SLC67A1: variants seen among roughly 807,000 people sequenced by gnomAD.
SLC67A1 encodes solute carrier family 67 member 1, also known as solute carrier family 67 member A1.
chr11:2,922,347 G>C, the SLC67A1 span: 1 of 1,558,168 alleles, frequency 6.4e-7, no homozygotes, highest in East Asian at 2.3e-5. Flanking sequence ...AGGGACAGCA[G>C]TCAGGGTGGG....
the SLC67A1 span, chr11:2,915,227 T>G: frequency 1.0e-6 from 1 of 985,150 alleles, no homozygotes; most frequent in Non-Finnish European, 1.2e-6. Flanking sequence ...TGGCTCCAAG[T>G]CCCCTCCTTG....
At chr11:2,903,030 T>C in the SLC67A1 span, 9 of 380,238 alleles carry the variant, frequency 2.4e-5, no homozygotes, top group African/African-American at 1.6e-4. Context: ...GCACTGAGCC[T>C]GGCCCACCTG....
At chr11:2,925,194 G>T in the SLC67A1 span, 5 of 1,612,744 alleles carry the variant, frequency 3.1e-6, no homozygotes, top group South Asian at 5.5e-5. The surrounding 1 kb of genome is among the most constrained non-coding windows in gnomAD (Gnocchi z 6.5). Flanking sequence ...ACAAAGTCCG[G>T]TGACCGCTGC....
At chr11:2,907,616 G>A in the SLC67A1 span, among the ~76,000 whole-genome samples, 1 of 152,162 alleles carries the variant, frequency 6.6e-6, no homozygotes, top group Non-Finnish European at 1.5e-5. The surrounding 1 kb of genome is among the most constrained non-coding windows in gnomAD (Gnocchi z 6.7). Context: ...TGAATTTGGG[G>A]GGTACACAAT....
At chr11:2,922,041 G>T in the SLC67A1 span, 1 of 1,299,644 alleles carries the variant, frequency 7.7e-7, no homozygotes, top group Non-Finnish European at 1.1e-6. Flanking sequence ...GCTGGCCACA[G>T]TCCAGACGCC....
At chr11:2,913,032 C>G in the SLC67A1 span, among the ~76,000 whole-genome samples, 1 of 152,036 alleles carries the variant, frequency 6.6e-6, no homozygotes, top group Non-Finnish European at 1.5e-5. Context: ...CCCATACGAC[C>G]CAGGGCACCC....
At chr11:2,905,217 G>A in the SLC67A1 span, among the ~76,000 whole-genome samples, 1 of 152,200 alleles carries the variant, frequency 6.6e-6, no homozygotes, top group African/African-American at 2.4e-5. Context: ...CTCCCCCAGA[G>A]GGCAGGGAGG....
the SLC67A1 span, among the ~76,000 whole-genome samples, chr11:2,906,254 A>C: frequency 6.6e-6 from 1 of 152,184 alleles, no homozygotes; most frequent in African/African-American, 2.4e-5. Flanking sequence ...AAATAGGAAC[A>C]CTTTTACACT....
At chr11:2,917,079 A>C in the SLC67A1 span, 28 of 272,192 alleles carry the variant, frequency 1.0e-4, no homozygotes, top group East Asian at 1.9e-4. Context: ...GACCCCCCCA[A>C]TGGGGTGGGT....
chr11:2,920,093 G>A, the SLC67A1 span: 3 of 55,228 alleles, frequency 5.4e-5, no homozygotes, highest in Non-Finnish European at 5.3e-5. Flanking sequence ...CGGGGCGGGG[G>A]GGCTATTCTG....
chr11:2,910,272 CCCAGGACTCTGGTT>C, the SLC67A1 span, among the ~76,000 whole-genome samples: 2 of 152,096 alleles, frequency 1.3e-5, no homozygotes, highest in Non-Finnish European at 2.9e-5. Flanking sequence ...CAACATTGCC[CCCAGGACTCTGGTT>C]CTAGAATACA....
the SLC67A1 span, among the ~76,000 whole-genome samples, chr11:2,907,384 C>A: frequency 2.0e-5 from 3 of 152,212 alleles, no homozygotes; most frequent in South Asian, 6.2e-4. The surrounding 1 kb of genome is among the most constrained non-coding windows in gnomAD (Gnocchi z 6.7). Context: ...CCTCTTCCAG[C>A]CCCTGGGAGC....
the SLC67A1 span, chr11:2,925,040 A>G: frequency 1.9e-6 from 3 of 1,613,180 alleles, no homozygotes; most frequent in South Asian, 2.2e-5. This position sits in a 1 kb window ranked among gnomAD's most constrained non-coding sequence, Gnocchi z 6.5. Context: ...GCCTCTGTAC[A>G]ACCACTGCTC....
At chr11:2,906,321 A>G in the SLC67A1 span, among the ~76,000 whole-genome samples, 96 of 152,358 alleles carry the variant, frequency 6.3e-4, 1 homozygote, top group Admixed American at 2.8e-3. Flanking sequence ...CGATTCTTCA[A>G]GGATCTAGAA....
chr11:2,924,894 CTGCG>C, the SLC67A1 span: 7 of 886,394 alleles, frequency 7.9e-6, no homozygotes, highest in Non-Finnish European at 1.2e-5. The surrounding 1 kb of genome is among the most constrained non-coding windows in gnomAD (Gnocchi z 8.6). Context: ...AAGGTGCGGA[CTGCG>C]CCGTGAGGTC....
At chr11:2,922,259 C>A in the SLC67A1 span, 35 of 1,551,250 alleles carry the variant, frequency 2.3e-5, no homozygotes, top group Non-Finnish European at 2.9e-5. Flanking sequence ...GGCAAGGCCA[C>A]CTGGGCGGTA....
chr11:2,918,508 G>A, the SLC67A1 span, among the ~76,000 whole-genome samples: 771 of 152,322 alleles, frequency 5.1e-3, 10 homozygotes, highest in African/African-American at 0.018. Flanking sequence ...AGGATAGCGA[G>A]CCACGGACAA....
the SLC67A1 span, among the ~76,000 whole-genome samples, chr11:2,922,860 C>G: frequency 6.6e-6 from 1 of 152,198 alleles, no homozygotes; most frequent in African/African-American, 2.4e-5. Flanking sequence ...CACCTGAGGA[C>G]TTTGCCTGCC....
chr11:2,903,462 C>G, the SLC67A1 span: 1 of 1,613,206 alleles, frequency 6.2e-7, no homozygotes, highest in Non-Finnish European at 8.5e-7. Flanking sequence ...AACTTACCTG[C>G]CTCTTCATGC....
Sources: allele counts gnomAD v4.1 joint callset (sites outside exome capture counted in the v4.1 genomes callset), GRCh38; gene constraint gnomAD v4.1.1; non-coding constraint Gnocchi (gnomAD v3.1); transcripts MANE v1.5; gene names NCBI Gene and HGNC (gene_info 2026-07-23, HGNC 2026-07-21).